Variants in LRRC15 observed in about 807,000 individuals in gnomAD.
LRRC15 encodes the protein leucine-rich repeat-containing protein 15.
In LRRC15, 5 loss-of-function variants were observed where a neutral mutation model predicts 4.3. The observed-to-expected ratio is 1.16, with a 90% CI of 0.61 to 2.44. The LOEUF is 2.44. Ranked by LOEUF, LRRC15 falls within the 30% of genes most tolerant of loss-of-function variation. The probability of loss-of-function intolerance (pLI) is 0.01; values close to 1 mark genes in which losing one functional copy is unlikely to be tolerated. For missense variants in LRRC15, 769 were observed against 747.0 expected (o/e 1.03, Z -0.34); for synonymous variants, 337 against 323.2 (o/e 1.04, Z -0.46).
At chr3:194,365,480 C>G (rs1360480151) in intron 1 of LRRC15, among the ~76,000 whole-genome samples, 2 of 152,162 alleles carry the variant, frequency 1.3e-5, no homozygotes, top group African/African-American at 4.8e-5. Context: ...TTTAATGACA[C>G]AGAGCATAAC....
chr3:194,368,673 T>TGGCACGTGGCAGACAGGCACCC (rs1713851362), intron 1 of LRRC15, among the ~76,000 whole-genome samples: 1 of 151,874 alleles, frequency 6.6e-6, no homozygotes, highest in African/African-American at 2.4e-5. Context: ...GACAGGCACC[T>TGGCACGTGGCAGACAGGCACCC]GGCACCTGCG....
chr3:194,356,258 T>A lies in LRRC15; in HGVS notation c.*3040A>T, dbSNP rs562247868. 1 of 152,300 alleles carries A rather than the reference T, an allele frequency of 6.6e-6. No individual in the cohort carries two copies. Among genetic ancestry groups the A allele is most frequent in the South Asian group, 2.1e-4 (1 of 4,826 alleles). The allele number at this position is 152,300 out of a possible 1,614,324, so 9.4% of individuals were successfully genotyped here. A position where few individuals can be genotyped will look rare whatever the true frequency, so the allele number is the denominator to read the frequency against. ...GTATCTGTGCACAGTAAGCACTTTT[T>A]AAAAATAGTGGTTCTAATTGGCTTT... On this transcript the variant is annotated 3_prime_UTR_variant, in exon 2 of 2. Transcript: ENST00000347624.
In LRRC15 at chr3:194,360,989, C is replaced by G; in HGVS notation, c.55G>C (p.Gly19Arg). 6.5e-7 allele frequency: 1 copy of G among 1,541,240 alleles called. No homozygotes were observed. The highest frequency in any genetic ancestry group is 1.4e-5 in the African/African-American group (1 of 73,380). ...LLVGCQAWGAGLAYHGCPSEC... is the reference protein window; with the variant it reads ...LLVGCQAWGARLAYHGCPSEC... ...CTAGGGCAGCCATGGTAGGCCAACC[C>G]TGCACCCCAGGCTTGGCAGCCCACC... The change falls in exon 2 of 2, where the codon GGG (glycine) becomes CGG (arginine). Residue 19 changes from glycine (G) to arginine (R), a missense_variant. By Grantham distance (125) the Gly-to-Arg change is moderately radical. Transcript: ENST00000347624.
rs1030935008 is a variant in LRRC15 at position 194,356,083 on chromosome 3, A to C, written c.*3215T>G. On this transcript the variant is annotated 3_prime_UTR_variant, in exon 2 of 2. Transcript: ENST00000347624. The stretch of plus-strand genomic sequence containing the variant: ...AGACAAGCCATGAGCTCTTGTACAA[A>C]GTTTGAAGAGATAAATAAAACTCCC... 1.9e-4 allele frequency: 29 copies of C among 152,192 alleles called. No individual in the cohort carries two copies. The highest frequency in any genetic ancestry group is 7.0e-4 in the African/African-American group (29 of 41,432). 9.4% of individuals were successfully genotyped at this position (152,192 alleles called of 1,614,324 possible). A position where few individuals can be genotyped will look rare whatever the true frequency, so the allele number is the denominator to read the frequency against.
In LRRC15 at chr3:194,359,176, T is replaced by G; in HGVS notation, c.*122A>C. On this transcript the variant is annotated 3_prime_UTR_variant, in exon 2 of 2. Coordinates refer to ENST00000347624, the MANE Select transcript of LRRC15 (RefSeq NM_130830.5). ...AAGTCAGGAAGAGGTAGGCTCACCT[T>G]TCTCTGGGGCCAGAAAGAGCAATCA... is the stretch of plus-strand genomic sequence containing the variant. The G allele has an allele frequency of 1.1e-6, 1 of 944,580 alleles. No individual in the cohort carries two copies. Among genetic ancestry groups the G allele is most frequent in the Non-Finnish European group, 1.6e-6 (1 of 641,204 alleles). The allele number at this position is 944,580 out of a possible 1,614,324, so 58.5% of individuals were successfully genotyped here. A position where few individuals can be genotyped will look rare whatever the true frequency, so the allele number is the denominator to read the frequency against.
intron 1 of LRRC15, among the ~76,000 whole-genome samples, 169 bp from the exon 2 acceptor site, chr3:194,361,215 C>G (rs929033634): frequency 6.6e-6 from 1 of 152,268 alleles, no homozygotes; most frequent in Non-Finnish European, 1.5e-5. Context: ...CACCTTTGCC[C>G]TGCCTTTCTG....
chr3:194,359,926 T>C lies in LRRC15; in HGVS notation c.1118A>G (p.Gln373Arg). ...MLANLQNISL[Q>R]NNRLRQLPGN... is the part of the protein sequence containing the mutation. The stretch of plus-strand genomic sequence containing the variant: ...TGGGAGCTGTCTGAGGCGGTTGTTC[T>C]GCAGGGAGATGTTCTGCAGGTTGGC... The change falls in exon 2 of 2, where the codon CAG becomes CGG. Residue 373 changes from glutamine (Q) to arginine (R), a missense_variant. By Grantham distance (43) the Gln-to-Arg change is conservative. Coordinates refer to ENST00000347624, the MANE Select transcript of LRRC15 (RefSeq NM_130830.5). The C allele has an allele frequency of 1.9e-6, 3 of 1,614,150 alleles. No homozygotes were observed. The highest frequency in any genetic ancestry group is 2.5e-6 in the Non-Finnish European group (3 of 1,180,000).
intron 1 of LRRC15, among the ~76,000 whole-genome samples, chr3:194,364,517 T>C (rs181111568): frequency 1.3e-5 from 2 of 152,206 alleles, no homozygotes; most frequent in South Asian, 2.1e-4. Context: ...TCCCCATCTA[T>C]GAAGGACAGT....
chr3:194,359,773 G>A lies in LRRC15; in HGVS notation c.1271C>T (p.Pro424Leu), dbSNP rs1713547335. ...AAGGATGTCTGAGTCACACCTCCAGGGATTGTCATACAGCCGCAGCTCACA... is the reference window on the plus strand; with the variant it reads ...AAGGATGTCTGAGTCACACCTCCAGAGATTGTCATACAGCCGCAGCTCACA... ...KLCELRLYDN[P>L]WRCDSDILPL... Residue 424 changes from proline (P) to leucine (L), a missense_variant, in exon 2 of 2, where the codon CCC becomes CTC. Physicochemically the swap from Pro to Leu is moderately conservative, Grantham distance 98. Transcript: ENST00000347624. The A allele has an allele frequency of 4.3e-6, 7 of 1,614,142 alleles. No individual in the cohort carries two copies. Among genetic ancestry groups the A allele is most frequent in the Non-Finnish European group, 4.2e-6 (5 of 1,180,038 alleles).
In LRRC15 at chr3:194,362,934, A is replaced by AT. The variant is rs1162019236; in HGVS notation, c.-3-1889dup. On this transcript the variant is annotated intron_variant, in intron 1 of 1. Transcript: ENST00000347624. ...CCATTCCCCAACCACACAGACCTTGATTTTGTTTTTTTTTTTTTTTTTTTT... is the reference window on the plus strand; with the variant it reads ...CCATTCCCCAACCACACAGACCTTGATTTTTGTTTTTTTTTTTTTTTTTTTT... Among the ~76,000 whole-genome samples, 340 of 114,728 alleles carry AT rather than the reference A, an allele frequency of 3.0e-3. 6 individuals are homozygous for AT. Among genetic ancestry groups the AT allele is most frequent in the Non-Finnish European group, 3.1e-3 (176 of 57,570 alleles). The allele number at this position is 114,728 out of a possible 152,430, so 75.3% of individuals were successfully genotyped here.
In LRRC15 at chr3:194,359,011, A is replaced by C; in HGVS notation, c.*287T>G. ...TGTTCTTGGAGGACAGGTGGGGAGG[A>C]TTTGGAGGAAGAGCCCTCTCGAAGG... On this transcript the variant is annotated 3_prime_UTR_variant, in exon 2 of 2. Coordinates refer to ENST00000347624, the MANE Select transcript of LRRC15 (RefSeq NM_130830.5). The C allele has an allele frequency of 3.4e-6, 1 of 292,038 alleles. No individual in the cohort carries two copies. Among genetic ancestry groups the C allele is most frequent in the East Asian group, 6.1e-5 (1 of 16,338 alleles). 18.1% of individuals were successfully genotyped at this position (292,038 alleles called of 1,614,324 possible). A position where few individuals can be genotyped will look rare whatever the true frequency, so the allele number is the denominator to read the frequency against.
intron 1 of LRRC15, among the ~76,000 whole-genome samples, chr3:194,368,317 A>G (rs1475183223): frequency 6.6e-6 from 1 of 150,942 alleles, no homozygotes; most frequent in Non-Finnish European, 1.5e-5. Flanking sequence ...TCGCCTCACC[A>G]CCCCGCCATT....
In LRRC15 at chr3:194,359,837, T is replaced by A; in HGVS notation, c.1207A>T (p.Asn403Tyr). The A allele has an allele frequency of 6.2e-7, 1 of 1,614,036 alleles. No individual in the cohort carries two copies. Among genetic ancestry groups the A allele is most frequent in the Non-Finnish European group, 8.5e-7 (1 of 1,180,004 alleles). ...TGATCGAAGATGCCGAGGGGCAAGT[T>A]CTCCAGCTGGTTGTTCTGCAGCTGG... Reference protein sequence around the residue: ...AIQLQNNQLENLPLGIFDHLG... With the variant: ...AIQLQNNQLEYLPLGIFDHLG... The change falls in exon 2 of 2, where the codon AAC (asparagine) becomes TAC (tyrosine). Residue 403 changes from asparagine (N) to tyrosine (Y), a missense_variant. Coordinates refer to ENST00000347624, the MANE Select transcript of LRRC15 (RefSeq NM_130830.5).
Position 194,361,369 on chromosome 3 carries a change from C to T in LRRC15, c.-3-323G>A, listed in dbSNP as rs144346185. On this transcript the variant is annotated intron_variant, in intron 1 of 1. Transcript: ENST00000347624. The stretch of plus-strand genomic sequence containing the variant: ...TTCCATGAGTCAATCAGTTACCCTT[C>T]CATGAAGTCGTCTTCCCAGTCTCCA... Among the ~76,000 whole-genome samples the T allele has an allele frequency of 8.8e-3, 1,335 of 152,366 alleles. 12 individuals are homozygous for T. Among genetic ancestry groups the T allele is most frequent in the South Asian group, 0.02 (99 of 4,830 alleles).
chr3:194,366,191 C>T (rs918163605), intron 1 of LRRC15, among the ~76,000 whole-genome samples: 7 of 152,224 alleles, frequency 4.6e-5, no homozygotes, highest in Non-Finnish European at 1.0e-4. Flanking sequence ...CCAGACCTCC[C>T]CATCTCACCA....
chr3:194,365,013 G>A (rs546389950), intron 1 of LRRC15, among the ~76,000 whole-genome samples: 6 of 152,352 alleles, frequency 3.9e-5, no homozygotes, highest in African/African-American at 1.4e-4. Context: ...GCACCTGGAG[G>A]CCTAATAGCC....
At chr3:194,368,758 G>C (rs1013104925) in intron 1 of LRRC15, among the ~76,000 whole-genome samples, 1 of 152,186 alleles carries the variant, frequency 6.6e-6, no homozygotes, top group African/African-American at 2.4e-5. Context: ...AGGTGGAATG[G>C]CTCTTGCACT....
At position 194,359,214 on chromosome 3, in the gene LRRC15, A is replaced by G. The variant is rs73081777; in HGVS notation, c.*84T>C. 13 of 1,323,884 alleles carry G rather than the reference A, an allele frequency of 9.8e-6. No individual in the cohort carries two copies. The African/African-American group carries it at 1.8e-4, about 18-fold the overall frequency. 82.0% of individuals were successfully genotyped at this position (1,323,884 alleles called of 1,614,324 possible). A position where few individuals can be genotyped will look rare whatever the true frequency, so the allele number is the denominator to read the frequency against. On this transcript the variant is annotated 3_prime_UTR_variant, in exon 2 of 2. Coordinates refer to ENST00000347624, the MANE Select transcript of LRRC15 (RefSeq NM_130830.5). ...GAAAGAGCAATCACGGGAAAGCTCC[A>G]TGGACCCAGGGGTGGAGGCAGAAAG...
At chr3:194,366,539 G>A (rs890393889) in intron 1 of LRRC15, among the ~76,000 whole-genome samples, 3 of 152,136 alleles carry the variant, frequency 2.0e-5, no homozygotes, top group East Asian at 1.9e-4. Context: ...TAGACTAGCC[G>A]AGAACCCAGG....
Sources: gnomAD v4.1 joint callset for allele counts (sites outside exome capture counted in the v4.1 genomes callset) on GRCh38, gnomAD v4.1.1 for gene constraint, MANE v1.5 for transcripts, NCBI Gene and HGNC (gene_info 2026-07-23, HGNC 2026-07-21) for gene names.